The following CD84 variants were observed in gnomAD, a reference collection of about 807,000 sequenced individuals.
CD84 encodes the protein CD84 molecule.
A neutral mutation model predicts 33.8 loss-of-function variants in CD84; 22 were observed. The ratio of observed to expected loss-of-function variants is 0.65; its 90% CI spans 0.46 to 0.93. CD84 has a LOEUF of 0.93. CD84 is among the 40% of genes least tolerant of loss of function. CD84 has a pLI of 0.00. For synonymous variants in CD84, 154 were observed against 145.2 expected, an observed-to-expected ratio of 1.06 and a Z score of -0.44; for missense variants, 400 against 397.6, an observed-to-expected ratio of 1.01 and a Z score of -0.05.
chr1:160,554,031 C>A lies in CD84; in HGVS notation c.504G>T (p.Trp168Cys), dbSNP rs768041830. The change falls in exon 3 of 7, where the codon TGG becomes TGT. Residue 168 changes from tryptophan to cysteine, a missense_variant. Transcript: ENST00000368054. ...CATTACCCTCTTCTCCCAGGGGACTCCAATTGTATGTCACATTCTTTTCTT... is the reference window on the plus strand; with the variant it reads ...CATTACCCTCTTCTCCCAGGGGACTACAATTGTATGTCACATTCTTTTCTT... Reference protein sequence around the residue: ...EKEEKNVTYNWSPLGEEGNVL... With the variant: ...EKEEKNVTYNCSPLGEEGNVL... 6.2e-7 allele frequency: 1 copy of A among 1,614,190 alleles called. No individual in the cohort carries two copies. The highest frequency in any genetic ancestry group is 1.1e-5 in the South Asian group (1 of 91,074).
At chr1:160,575,252 C>A (rs1657925340) in intron 1 of CD84, among the ~76,000 whole-genome samples, 1 of 151,866 alleles carries the variant, frequency 6.6e-6, no homozygotes, top group African/African-American at 2.4e-5. Context: ...ATGTGGTGCC[C>A]AAAAGAGAGT....
chr1:160,563,552 C>T lies in CD84; in HGVS notation c.388+1852G>A, dbSNP rs12354042. Among the ~76,000 whole-genome samples the T allele has an allele frequency of 4.2e-3, 640 of 152,084 alleles. 5 individuals are homozygous for T. Among genetic ancestry groups the T allele is most frequent in the African/African-American group, 0.014 (572 of 41,498 alleles). Reference sequence around the variant, plus strand: ...ATAAGTGGGAGATGAATGATGAGAACACATGGAGGGGAACAACACACACTG... The same window carrying T: ...ATAAGTGGGAGATGAATGATGAGAATACATGGAGGGGAACAACACACACTG... On this transcript the variant is annotated intron_variant, in intron 2 of 6. Transcript: ENST00000368054.
At chr1:160,570,001 G>A (rs1294042482) in intron 1 of CD84, among the ~76,000 whole-genome samples, 1 of 152,106 alleles carries the variant, frequency 6.6e-6, no homozygotes, top group Non-Finnish European at 1.5e-5. Context: ...AATGATGTGT[G>A]GGGAGGAAAA....
rs1205094315 is a variant in CD84 at position 160,553,411 on chromosome 1, C to G, written c.727G>C (p.Val243Leu). The change falls in exon 4 of 7, where the codon GTG (valine) becomes CTG (leucine). Residue 243 changes from valine to leucine, a missense_variant. Transcript: ENST00000368054. ...CTCTTGAACAAACGGAACAAAAACACTGAAGACAGAATGAGAACAAGCAGA... is the reference window on the plus strand; with the variant it reads ...CTCTTGAACAAACGGAACAAAAACAGTGAAGACAGAATGAGAACAAGCAGA... ...FFLLVLILSS[V>L]FLFRLFKRRQ... 5.0e-6 allele frequency: 8 copies of G among 1,613,996 alleles called. No homozygotes were observed. Among genetic ancestry groups the G allele is most frequent in the Non-Finnish European group, 6.8e-6 (8 of 1,180,032 alleles).
In CD84 at chr1:160,553,985, G is replaced by C. The variant is rs1185131252; in HGVS notation, c.550C>G (p.Pro184Ala). Residue 184 changes from proline to alanine, a missense_variant, in exon 3 of 7, where the codon CCT becomes GCT. By Grantham distance (27) the Pro-to-Ala change is conservative. Coordinates refer to ENST00000368054, the MANE Select transcript of CD84 (RefSeq NM_003874.4). ...GTGTAAGTCAGCTCTTGGTCCTCAG[G>C]AGTCTGGAAGATTTGAAGGACATTA... is the stretch of plus-strand genomic sequence containing the variant. ...EGNVLQIFQT[P>A]EDQELTYTCT... is the part of the protein sequence containing the mutation. The C allele has an allele frequency of 6.2e-7, 1 of 1,614,080 alleles. No homozygotes were observed. Among genetic ancestry groups the C allele is most frequent in the African/African-American group, 1.3e-5 (1 of 74,930 alleles).
intron 1 of CD84, among the ~76,000 whole-genome samples, chr1:160,570,149 C>T (rs573800813): frequency 1.3e-5 from 2 of 152,220 alleles, no homozygotes; most frequent in African/African-American, 4.8e-5. Flanking sequence ...AATAAAGAGG[C>T]ATCTGCTAGA....
rs921320955 is a variant in CD84 at position 160,542,641 on chromosome 1, C to G, written c.*5615G>C. ...GCCATTTTCCAGTCTCAGAATTGAT[C>G]CATCCCAAACCCAGAGACTTGTACA... On this transcript the variant is annotated 3_prime_UTR_variant, in exon 7 of 7. Coordinates refer to ENST00000368054, the MANE Select transcript of CD84 (RefSeq NM_003874.4). 41 of 152,284 alleles carry G rather than the reference C, an allele frequency of 2.7e-4. No individual in the cohort carries two copies. The highest frequency in any genetic ancestry group is 9.1e-4 in the African/African-American group (38 of 41,568). 9.4% of individuals were successfully genotyped at this position (152,284 alleles called of 1,614,324 possible). A position where few individuals can be genotyped will look rare whatever the true frequency, so the allele number is the denominator to read the frequency against.
chr1:160,576,784 T>C (rs564539529), intron 1 of CD84, among the ~76,000 whole-genome samples: 2 of 152,178 alleles, frequency 1.3e-5, no homozygotes, highest in Non-Finnish European at 2.9e-5. Flanking sequence ...TCTCATAGTG[T>C]ATTGTAAGGA....
At chr1:160,573,766 C>A (rs940318479) in intron 1 of CD84, among the ~76,000 whole-genome samples, 2 of 152,130 alleles carry the variant, frequency 1.3e-5, no homozygotes, top group African/African-American at 4.8e-5. Context: ...CCCAACCCAT[C>A]CCCTCAATAC....
chr1:160,558,186 A>G (rs1656732932), intron 2 of CD84, among the ~76,000 whole-genome samples: 2 of 151,890 alleles, frequency 1.3e-5, no homozygotes, highest in African/African-American at 4.8e-5. Context: ...ACAGGTTGAG[A>G]CCTCCCAACA....
At chr1:160,572,887 C>T (rs181139440) in intron 1 of CD84, among the ~76,000 whole-genome samples, 80 of 152,260 alleles carry the variant, frequency 5.3e-4, no homozygotes, top group African/African-American at 1.8e-3. Flanking sequence ...GAGCCCAGGA[C>T]TCAGGGAGCA....
intron 1 of CD84, among the ~76,000 whole-genome samples, chr1:160,573,414 TTCATAA>T (rs1266549929): frequency 6.6e-6 from 1 of 152,092 alleles, no homozygotes; most frequent in Non-Finnish European, 1.5e-5. Context: ...CTATTCTCCT[TTCATAA>T]TCTTAACCAT....
At position 160,553,538 on chromosome 1, in the gene CD84, T is replaced by C. The variant is rs186546878; in HGVS notation, c.641-41A>G. The C allele has an allele frequency of 3.2e-3, 5,162 of 1,612,632 alleles. 14 individuals carry two copies. Among genetic ancestry groups the C allele is most frequent in the Non-Finnish European group, 4.0e-3 (4,739 of 1,178,760 alleles). ...GCAGTGAGTCTTGATTCTCAGGAAA[T>C]AGGCCCAAGAGGCTGGGCAGGTTTG... On this transcript the variant is annotated intron_variant, in intron 3 of 6. Coordinates refer to ENST00000368054, the MANE Select transcript of CD84 (RefSeq NM_003874.4).
At chr1:160,579,287 G>T (rs1187441760) in intron 1 of CD84, 105 bp downstream of exon 1, 3 of 1,512,704 alleles carry the variant, frequency 2.0e-6, no homozygotes, top group East Asian at 4.6e-5. Context: ...GACCCAGGGT[G>T]TTCTGCTAAA....
rs547617999 is a variant in CD84, at chr1:160,547,376, T to G, written c.*880A>C. ...AGTGGGAATACTGGGCATGGCTGCT[T>G]CTTCTGCTGAGGCTGCTTGGAGTGA... On this transcript the variant is annotated 3_prime_UTR_variant, in exon 7 of 7. Coordinates refer to ENST00000368054, the MANE Select transcript of CD84 (RefSeq NM_003874.4). The G allele has an allele frequency of 1.0e-4, 41 of 394,700 alleles. No homozygotes were observed. Among genetic ancestry groups the G allele is most frequent in the African/African-American group, 6.6e-4 (32 of 48,674 alleles). The allele number at this position is 394,700 out of a possible 1,614,324, so 24.4% of individuals were successfully genotyped here.
chr1:160,552,669 A>G (rs1427543353), intron 4 of CD84: 2 of 1,483,330 alleles, frequency 1.3e-6, no homozygotes, highest in Non-Finnish European at 1.8e-6. Context: ...ATCCCTCCCA[A>G]TTGTTATTCA....
intron 1 of CD84, among the ~76,000 whole-genome samples, chr1:160,569,238 G>A (rs970157232): frequency 6.6e-6 from 1 of 152,154 alleles, no homozygotes; most frequent in African/African-American, 2.4e-5. Context: ...GACAGTTTCA[G>A]GTACCCTGGA....
intron 2 of CD84, among the ~76,000 whole-genome samples, chr1:160,564,796 G>A (rs960998985): frequency 3.9e-5 from 6 of 152,188 alleles, no homozygotes; most frequent in African/African-American, 1.2e-4. Context: ...GAGAGTATGA[G>A]GGAATCTTGT....
intron 1 of CD84, among the ~76,000 whole-genome samples, chr1:160,566,834 A>C (rs912077926): frequency 6.6e-6 from 1 of 152,158 alleles, no homozygotes; most frequent in Non-Finnish European, 1.5e-5. Context: ...GGAAGATGAA[A>C]AGCTTATTTT....
Sources: allele counts gnomAD v4.1 joint callset (sites outside exome capture counted in the v4.1 genomes callset), GRCh38; gene constraint gnomAD v4.1.1; transcripts MANE v1.5; gene names NCBI Gene and HGNC (gene_info 2026-07-23, HGNC 2026-07-21).